The following PIAS1 variants were observed in gnomAD, a reference collection of about 807,000 sequenced individuals.
PIAS1 encodes the protein protein inhibitor of activated STAT 1, also known as E3 SUMO-protein ligase PIAS1.
Under a neutral mutation model 71.3 loss-of-function variants are expected in PIAS1, and 6 were observed. The ratio of observed to expected loss-of-function variants is 0.08; its 90% CI spans 0.05 to 0.17. The LOEUF (loss-of-function observed/expected upper bound fraction) is 0.17. Among genes scored for constraint, PIAS1 ranks in the 10% least tolerant of loss-of-function variants. The pLI, the probability that PIAS1 is intolerant of heterozygous loss-of-function variation, is 1.00. For missense variants in PIAS1, 555 were observed against 793.6 expected (o/e 0.70, Z 3.61); for synonymous variants, 303 against 292.9 (o/e 1.03, Z -0.35).
chr15:68,071,839 T>C (rs1290217551), intron 1 of PIAS1, among the ~76,000 whole-genome samples: 1 of 151,714 alleles, frequency 6.6e-6, no homozygotes, highest in Non-Finnish European at 1.5e-5. Context: ...TCCCAGCTAC[T>C]TGGGAGGCTG....
At chr15:68,062,790 A>AAT (rs1350303185) in intron 1 of PIAS1, among the ~76,000 whole-genome samples, 1 of 152,224 alleles carries the variant, frequency 6.6e-6, no homozygotes, top group African/African-American at 2.4e-5. Flanking sequence ...GTACATAAAT[A>AAT]TCTTTTCTAA....
intron 1 of PIAS1, among the ~76,000 whole-genome samples, chr15:68,073,921 T>C (rs1384377998): frequency 1.3e-5 from 2 of 152,148 alleles, no homozygotes; most frequent in African/African-American, 2.4e-5. Context: ...AGAGTGGTAA[T>C]AGGGACTAAG....
intron 2 of PIAS1, among the ~76,000 whole-genome samples, chr15:68,129,561 G>A (rs755621583): frequency 4.0e-5 from 6 of 151,718 alleles, no homozygotes; most frequent in Non-Finnish European, 8.8e-5. Context: ...AGAAAACACT[G>A]CATGCTTTTA....
At chr15:68,093,467 G>A (rs540009561) in intron 2 of PIAS1, among the ~76,000 whole-genome samples, 1 of 152,340 alleles carries the variant, frequency 6.6e-6, no homozygotes, top group African/African-American at 2.4e-5. Context: ...AGGGAATGGA[G>A]AGCATCAGTT....
intron 1 of PIAS1, among the ~76,000 whole-genome samples, chr15:68,074,362 A>G (rs183853057): frequency 1.3e-5 from 2 of 152,210 alleles, no homozygotes; most frequent in Non-Finnish European, 2.9e-5. Flanking sequence ...AGACAGGGTC[A>G]TGCTCTTCCG....
At chr15:68,119,003 C>T (rs970981324) in intron 2 of PIAS1, among the ~76,000 whole-genome samples, 1 of 151,816 alleles carries the variant, frequency 6.6e-6, no homozygotes, top group Non-Finnish European at 1.5e-5. Flanking sequence ...AGCACAACAA[C>T]CTACAGAATG....
At chr15:68,070,267 A>G (rs2092080487) in intron 1 of PIAS1, among the ~76,000 whole-genome samples, 1 of 152,200 alleles carries the variant, frequency 6.6e-6, no homozygotes, top group Non-Finnish European at 1.5e-5. Flanking sequence ...TTGCAAAGAA[A>G]TGTTTAGGGG....
At chr15:68,119,236 C>CAAA (rs1567049943) in intron 2 of PIAS1, among the ~76,000 whole-genome samples, 2 of 698 alleles carry the variant, frequency 2.9e-3, no homozygotes, top group Non-Finnish European at 4.3e-3. Context: ...CCCATCTCTA[C>CAAA]CAAAAAAAAA....
In PIAS1 at chr15:68,127,572, G is replaced by A. The variant is rs1567054123; in HGVS notation, c.470-14374G>A. ...TTGCTTTCCAGTTTCTACACTTTTT[G>A]TTGCCCTCCTATTTCTTTCTCCTCA... On this transcript the variant is annotated intron_variant, in intron 2 of 13. Coordinates refer to ENST00000249636, the MANE Select transcript of PIAS1 (RefSeq NM_016166.3). 2.0e-5 allele frequency among the ~76,000 whole-genome samples: 3 copies of A among 149,968 alleles called. No individual in the cohort carries two copies. In the South Asian group the frequency reaches 6.3e-4, roughly 31 times the overall value.
At chr15:68,148,825 C>G (rs1417390194) in intron 6 of PIAS1, among the ~76,000 whole-genome samples, 1 of 152,154 alleles carries the variant, frequency 6.6e-6, no homozygotes, top group African/African-American at 2.4e-5. Context: ...AGGCCAGAAT[C>G]GTGCAGAAGG....
chr15:68,163,204 A>T (rs930144842), intron 7 of PIAS1, among the ~76,000 whole-genome samples: 1 of 152,216 alleles, frequency 6.6e-6, no homozygotes, highest in Non-Finnish European at 1.5e-5. Flanking sequence ...CAAAGATACT[A>T]CTTTTTAAAA....
At chr15:68,159,988 A>G (rs1017224910) in intron 7 of PIAS1, among the ~76,000 whole-genome samples, 1 of 152,162 alleles carries the variant, frequency 6.6e-6, no homozygotes, top group Non-Finnish European at 1.5e-5. Flanking sequence ...AGCATATGGT[A>G]TCATCAGGCT....
At chr15:68,117,512 C>G (rs879550039) in intron 2 of PIAS1, among the ~76,000 whole-genome samples, 54 of 152,356 alleles carry the variant, frequency 3.5e-4, no homozygotes, top group Non-Finnish European at 5.6e-4. Flanking sequence ...CTGCCTATTT[C>G]TCTTCCCTCT....
At chr15:68,141,429 T>C (rs1480847403) in intron 2 of PIAS1, among the ~76,000 whole-genome samples, 4 of 152,126 alleles carry the variant, frequency 2.6e-5, no homozygotes, top group Non-Finnish European at 4.4e-5. Flanking sequence ...CATCTAAGAT[T>C]AGGAGAAAAA....
At chr15:68,183,824 T>C (rs1222301115) in intron 13 of PIAS1, among the ~76,000 whole-genome samples, 157 bp downstream of exon 13, 1 of 152,200 alleles carries the variant, frequency 6.6e-6, no homozygotes, top group Admixed American at 6.5e-5. Context: ...CATGGTAACA[T>C]TGTAGCACAA....
At chr15:68,123,436 A>T (rs891676574) in intron 2 of PIAS1, among the ~76,000 whole-genome samples, 3 of 152,244 alleles carry the variant, frequency 2.0e-5, no homozygotes, top group Admixed American at 1.3e-4. Flanking sequence ...GGCATTTTTT[A>T]AATGTTAAAA....
intron 2 of PIAS1, among the ~76,000 whole-genome samples, chr15:68,099,677 T>G (rs1249129212): frequency 5.0e-5 from 7 of 138,758 alleles, no homozygotes; most frequent in Non-Finnish European, 9.2e-5. Context: ...TTTTTGGGGG[T>G]TTTTTTTTTG....
intron 7 of PIAS1, among the ~76,000 whole-genome samples, chr15:68,161,039 G>A (rs117208837): frequency 0.011 from 1,640 of 152,258 alleles, 15 homozygotes; most frequent in Middle Eastern, 0.024. Context: ...TGACCTTATG[G>A]TCTGCATAGA....
intron 2 of PIAS1, among the ~76,000 whole-genome samples, chr15:68,116,527 C>G (rs945437188): frequency 6.6e-6 from 1 of 151,892 alleles, no homozygotes; most frequent in African/African-American, 2.4e-5. Context: ...AAGAAGAAAC[C>G]AGCTTTTGGT....
Sources: gnomAD v4.1 joint callset for allele counts (sites outside exome capture counted in the v4.1 genomes callset) on GRCh38, gnomAD v4.1.1 for gene constraint, MANE v1.5 for transcripts, NCBI Gene and HGNC (gene_info 2026-07-23, HGNC 2026-07-21) for gene names.